GRM7: variants seen among roughly 807,000 people sequenced by gnomAD.
The protein encoded by GRM7 is glutamate metabotropic receptor 7, also known as metabotropic glutamate receptor 7.
Under a neutral mutation model 84.5 loss-of-function variants are expected in GRM7, and 35 were observed. The ratio of observed to expected loss-of-function variants is 0.41; its 90% CI spans 0.32 to 0.55. The LOEUF is 0.55. Among genes scored for constraint, GRM7 ranks in the 20% least tolerant of loss-of-function variants. The pLI is 0.19. For missense variants in GRM7, 1,003 were observed against 1,194.6 expected (o/e 0.84, Z 2.36); for synonymous variants, 487 against 455.1 (o/e 1.07, Z -0.89).
intron 8 of GRM7, chr3:7,607,703 C>G (rs904815357): frequency 6.8e-6 from 1 of 146,618 alleles, no homozygotes; most frequent in South Asian, 2.1e-4. Context: ...TTTCAGCAGA[C>G]TCACAGAGCT....
At chr3:7,504,140 A>G (rs1699968935) in intron 7 of GRM7, among the ~76,000 whole-genome samples, 1 of 152,238 alleles carries the variant, frequency 6.6e-6, no homozygotes, top group Non-Finnish European at 1.5e-5. Context: ...TAATACTTTT[A>G]GAGAAAGATA....
intron 2 of GRM7, among the ~76,000 whole-genome samples, chr3:7,256,848 A>G (rs1028698367): frequency 6.6e-6 from 1 of 152,228 alleles, no homozygotes; most frequent in Non-Finnish European, 1.5e-5. Context: ...TCCAATAGAG[A>G]CTGTTAAAAA....
chr3:7,414,999 A>T (rs779609430), intron 4 of GRM7, 24 bp from the exon 5 acceptor site: 2 of 1,592,810 alleles, frequency 1.3e-6, no homozygotes, highest in African/African-American at 2.7e-5. Context: ...GCAAGCAATG[A>T]CCTTTTCATT....
intron 5 of GRM7, among the ~76,000 whole-genome samples, chr3:7,437,141 G>A (rs952685096): frequency 2.0e-5 from 3 of 152,162 alleles, no homozygotes; most frequent in African/African-American, 7.2e-5. Flanking sequence ...ACCAAAATTT[G>A]AGACTAACTG....
chr3:7,458,635 G>C (rs934749517), intron 6 of GRM7, among the ~76,000 whole-genome samples: 3 of 152,124 alleles, frequency 2.0e-5, no homozygotes, highest in African/African-American at 7.2e-5. Context: ...TTCTAACTAA[G>C]ATTGCAAGAA....
intron 2 of GRM7, among the ~76,000 whole-genome samples, chr3:7,287,963 A>G (rs1192905962): frequency 6.6e-6 from 1 of 152,204 alleles, no homozygotes; most frequent in Non-Finnish European, 1.5e-5. Flanking sequence ...ATCAGGTTTT[A>G]TAACTCTAAT....
At chr3:7,430,991 T>C (rs1186665275) in intron 5 of GRM7, among the ~76,000 whole-genome samples, 1 of 152,066 alleles carries the variant, frequency 6.6e-6, no homozygotes, top group East Asian at 1.9e-4. Context: ...CACTCTGCAT[T>C]ACCCCCACTG....
At chr3:7,588,465 A>T (rs1287458743) in intron 8 of GRM7, among the ~76,000 whole-genome samples, 1 of 152,196 alleles carries the variant, frequency 6.6e-6, no homozygotes, top group African/African-American at 2.4e-5. Context: ...AAGCACTGAG[A>T]AGTGAGCAAC....
chr3:6,963,409 T>C (rs537300526), intron 1 of GRM7, among the ~76,000 whole-genome samples: 2 of 152,324 alleles, frequency 1.3e-5, no homozygotes, highest in African/African-American at 4.8e-5. Flanking sequence ...ATGTATAGAT[T>C]ACTGCATAAA....
chr3:6,982,060 G>A (rs971814802), intron 1 of GRM7, among the ~76,000 whole-genome samples: 2 of 152,074 alleles, frequency 1.3e-5, no homozygotes, highest in South Asian at 2.1e-4. Context: ...ACCCATCAAC[G>A]GTGGACTGGA....
chr3:7,654,081 C>A (rs1699075664), intron 8 of GRM7, among the ~76,000 whole-genome samples: 1 of 123,294 alleles, frequency 8.1e-6, no homozygotes, highest in South Asian at 2.4e-4. Flanking sequence ...ACCTTAGGTT[C>A]CTCTTCAAAT....
intron 2 of GRM7, among the ~76,000 whole-genome samples, chr3:7,177,126 T>TA (rs1457311818): frequency 2.0e-5 from 3 of 152,130 alleles, no homozygotes; most frequent in Non-Finnish European, 4.4e-5. Context: ...CTCTGCCTTT[T>TA]TTTTTAAACC....
chr3:7,162,728 C>CTTTTTTTTTTTTTTTTTTTT (rs1559478421), intron 2 of GRM7, among the ~76,000 whole-genome samples: 1 of 57,102 alleles, frequency 1.8e-5, no homozygotes, highest in Non-Finnish European at 4.0e-5. Flanking sequence ...TCCCATTTTT[C>CTTTTTTTTTTTTTTTTTTTT]ATTTTTTTTT....
intron 8 of GRM7, among the ~76,000 whole-genome samples, chr3:7,584,852 G>A (rs530606290): frequency 1.3e-5 from 2 of 152,172 alleles, no homozygotes; most frequent in Non-Finnish European, 1.5e-5. Flanking sequence ...TTCAAAATTT[G>A]TTTAATTTAG....
Position 7,680,177 on chromosome 3 carries a change from G to A in GRM7, c.2580G>A (p.Lys860=). ...FHPELNVQKR[K]RSFKAVVTAA... ...CTGAACTCAATGTCCAGAAACGGAA[G>A]CGAAGCTTCAAGGCGGTAGTCACAG... The change falls in exon 9 of 10, where the codon AAG becomes AAA. Residue 860 remains lysine (K), a synonymous_variant. Coordinates refer to ENST00000357716, the MANE Select transcript of GRM7 (RefSeq NM_000844.4). The A allele has an allele frequency of 1.2e-6, 2 of 1,614,216 alleles. No individual in the cohort carries two copies. The highest frequency in any genetic ancestry group is 1.7e-6 in the Non-Finnish European group (2 of 1,180,030).
chr3:7,095,071 A>G (rs1698808476), intron 1 of GRM7, among the ~76,000 whole-genome samples: 1 of 151,544 alleles, frequency 6.6e-6, no homozygotes. Context: ...TTAGGTTGCT[A>G]TAATAGAATC....
At chr3:6,959,105 T>C (rs542712171) in intron 1 of GRM7, among the ~76,000 whole-genome samples, 2 of 152,284 alleles carry the variant, frequency 1.3e-5, no homozygotes, top group South Asian at 2.1e-4. Context: ...GATTGTGTAA[T>C]ATGTGGCAGA....
chr3:7,348,191 C>G (rs1054064086), intron 4 of GRM7, among the ~76,000 whole-genome samples: 6 of 152,108 alleles, frequency 3.9e-5, no homozygotes, highest in African/African-American at 1.4e-4. Flanking sequence ...AAATTTTCTA[C>G]TCAATCTGGC....
At chr3:7,324,348 A>G (rs1208576087) in intron 4 of GRM7, among the ~76,000 whole-genome samples, 3 of 152,188 alleles carry the variant, frequency 2.0e-5, no homozygotes, top group Non-Finnish European at 4.4e-5. Flanking sequence ...TTTACTTATA[A>G]TGTTGCAAGG....
Sources: allele counts gnomAD v4.1 joint callset (sites outside exome capture counted in the v4.1 genomes callset), GRCh38; gene constraint gnomAD v4.1.1; transcripts MANE v1.5; gene names NCBI Gene and HGNC (gene_info 2026-07-23, HGNC 2026-07-21).